VSIG1: variants seen among roughly 807,000 people sequenced by gnomAD.
VSIG1 encodes V-set and immunoglobulin domain containing 1.
In VSIG1, 11 loss-of-function variants were observed where a neutral mutation model predicts 20.1. The observed-to-expected ratio is 0.55, with a 90% CI of 0.34 to 0.91. The LOEUF is 0.91. Ranked by LOEUF, VSIG1 falls within the 40% of genes least tolerant of loss-of-function variation. VSIG1 has a pLI of 0.02. For synonymous variants in VSIG1, 126 were observed against 116.7 expected, an observed-to-expected ratio of 1.08 and a Z score of -0.52; for missense variants, 283 against 298.8, an observed-to-expected ratio of 0.95 and a Z score of 0.39.
the VSIG1 span, among the ~76,000 whole-genome samples, chrX:108,022,024 GT>G: frequency 1.8e-5 from 2 of 110,811 alleles, no homozygotes; most frequent in South Asian, 7.6e-4. Context: ...GATTGCTTTG[GT>G]TTTTTTTAGG....
At chrX:108,033,969 G>A in the VSIG1 span, among the ~76,000 whole-genome samples, 1 of 110,390 alleles carries the variant, frequency 9.1e-6, no homozygotes, top group African/African-American at 3.3e-5. Context: ...CACTAAACAA[G>A]CAGAAAAAGG....
At chrX:108,037,307 A>G in the VSIG1 span, among the ~76,000 whole-genome samples, 7 of 112,025 alleles carry the variant, frequency 6.2e-5, no homozygotes, top group African/African-American at 2.3e-4. Context: ...GCTTACTTTG[A>G]TGATCAAAAA....
In VSIG1 at chrX:108,076,087, T is replaced by G; in HGVS notation, c.699T>G (p.Val233=). Residue 233 remains valine (V), a synonymous_variant, in exon 6 of 7, where the codon GTT becomes GTG. Coordinates refer to ENST00000217957, the MANE Select transcript of VSIG1 (RefSeq NM_182607.5). ...EIDLTSSHPE[V]GIIVGALIGS... The stretch of plus-strand genomic sequence containing the variant: ...GCTTGTATCCTTCAGATCCAGAAGT[T>G]GGAATCATTGTTGGGGCCTTGATTG... 1 of 1,211,345 alleles carries G rather than the reference T, an allele frequency of 8.3e-7. No individual in the cohort carries two copies. Among genetic ancestry groups the G allele is most frequent in the Non-Finnish European group, 1.1e-6 (1 of 895,267 alleles).
At chrX:108,064,773 C>T in intron 2 of VSIG1, 2 of 751,857 alleles carry the variant, frequency 2.7e-6, no homozygotes, top group Non-Finnish European at 3.1e-6. Context: ...TGATGGACAG[C>T]AGGCTGAACT....
upstream of VSIG1, among the ~76,000 whole-genome samples, chrX:108,040,864 G>A (rs989443084): frequency 6.4e-5 from 7 of 108,635 alleles, no homozygotes; most frequent in Non-Finnish European, 1.2e-4. Context: ...AAAAAACCTC[G>A]TGTGTGTGTG....
rs1272248213 is a variant in VSIG1 at position 108,077,488 on chromosome X, T to C, written c.*107T>C. ...CTCCTCCTTCCATTTTGACCAACCT[T>C]CTTCTAACAAGGTGCTCATTCCTAC... On this transcript the variant is annotated 3_prime_UTR_variant, in exon 7 of 7. Coordinates refer to ENST00000217957, the MANE Select transcript of VSIG1 (RefSeq NM_182607.5). 1.1e-6 allele frequency: 1 copy of C among 944,740 alleles called. No individual in the cohort carries two copies. Among genetic ancestry groups the C allele is most frequent in the African/African-American group, 2.0e-5 (1 of 50,799 alleles). The allele number at this position is 944,740 out of a possible 1,213,427, so 77.9% of individuals were successfully genotyped here. A position where few individuals can be genotyped will look rare whatever the true frequency, so the allele number is the denominator to read the frequency against.
chrX:108,024,675 A>G, the VSIG1 span, among the ~76,000 whole-genome samples: 2 of 109,853 alleles, frequency 1.8e-5, no homozygotes, highest in Non-Finnish European at 3.8e-5. Flanking sequence ...ATTTCAAAGT[A>G]TTTTCTAGTT....
At chrX:108,072,644 A>G (rs777799836) in intron 3 of VSIG1, 33 bp from the exon 4 acceptor site, 1 of 1,186,410 alleles carries the variant, frequency 8.4e-7, no homozygotes, top group Non-Finnish European at 1.1e-6. Flanking sequence ...CATTCATCCT[A>G]AAGAATTTTT....
intron 2 of VSIG1, among the ~76,000 whole-genome samples, chrX:108,063,929 T>C (rs2031079022): frequency 8.9e-6 from 1 of 111,845 alleles, no homozygotes; most frequent in African/African-American, 3.3e-5. Flanking sequence ...CATCCGGGGC[T>C]TTTTCTGGAT....
chrX:108,023,537 TTTG>T, the VSIG1 span, among the ~76,000 whole-genome samples: 15 of 112,268 alleles, frequency 1.3e-4, no homozygotes, highest in African/African-American at 4.9e-4. Context: ...TATTTAATTA[TTTG>T]TTAAACCATC....
At position 108,078,688 on chromosome X, in the gene VSIG1, C is replaced by T. The variant is rs2031397457; in HGVS notation, c.*1307C>T. 2 of 112,412 alleles carry T rather than the reference C, an allele frequency of 1.8e-5. No homozygotes were observed. Among genetic ancestry groups the T allele is most frequent in the South Asian group, 7.3e-4 (2 of 2,739 alleles). The allele number at this position is 112,412 out of a possible 1,213,427, so 9.3% of individuals were successfully genotyped here. ...AGGCAAACACTTTCAAATATAATTT[C>T]CTTCAGTGAATACAAAATGTTGATA... On this transcript the variant is annotated 3_prime_UTR_variant, in exon 7 of 7. Coordinates refer to ENST00000217957, the MANE Select transcript of VSIG1 (RefSeq NM_182607.5).
chrX:108,035,658 T>C, the VSIG1 span, among the ~76,000 whole-genome samples: 1 of 111,450 alleles, frequency 9.0e-6, no homozygotes, highest in Non-Finnish European at 1.9e-5. Context: ...ACAGTCTCTT[T>C]CCTGTACTTG....
the VSIG1 span, among the ~76,000 whole-genome samples, chrX:108,023,356 T>A: frequency 8.9e-6 from 1 of 111,997 alleles, no homozygotes; most frequent in Non-Finnish European, 1.9e-5. Flanking sequence ...GTGAGTTTGT[T>A]AGTGTTTTGT....
chrX:108,055,621 T>TTTCA (rs1245420975), intron 1 of VSIG1, among the ~76,000 whole-genome samples: 40 of 111,640 alleles, frequency 3.6e-4, no homozygotes, highest in African/African-American at 1.1e-3. Context: ...CATGACCAAA[T>TTTCA]GGGATTTATT....
chrX:108,073,359 C>T lies in VSIG1; in HGVS notation c.678C>T (p.Leu226=). The change falls in exon 5 of 7, where the codon CTC becomes CTT. Residue 226 remains leucine, a synonymous_variant. Coordinates refer to ENST00000217957, the MANE Select transcript of VSIG1 (RefSeq NM_182607.5). ...GCAATAGTTCCTGCGAAATCGATCT[C>T]ACTTCTTCACGTGAGTTGACCATAC... ...RLGNSSCEID[L]TSSHPEVGII... The T allele has an allele frequency of 3.3e-6, 4 of 1,210,736 alleles. No homozygotes were observed. The highest frequency in any genetic ancestry group is 4.5e-6 in the Non-Finnish European group (4 of 894,996).
chrX:108,076,145 G>A lies in VSIG1; in HGVS notation c.757G>A (p.Val253Ile). ...GGTAGGTGCCGCCATCATCATCTCT[G>A]TTGTGTGCTTCGCAAGGAATAAGGC... is the stretch of plus-strand genomic sequence containing the variant. ...SLVGAAIIIS[V>I]VCFARNKAKA... Residue 253 changes from valine (V) to isoleucine (I), a missense_variant, in exon 6 of 7, where the codon GTT becomes ATT. By Grantham distance (29) the Val-to-Ile change is conservative. Transcript: ENST00000217957. The A allele has an allele frequency of 8.3e-7, 1 of 1,211,502 alleles. No individual in the cohort carries two copies. Among genetic ancestry groups the A allele is most frequent in the African/African-American group, 1.7e-5 (1 of 57,837 alleles).
At position 108,078,396 on chromosome X, in the gene VSIG1, C is replaced by T. The variant is rs2031391897; in HGVS notation, c.*1015C>T. 1.8e-5 allele frequency: 2 copies of T among 111,770 alleles called. No individual in the cohort carries two copies. Among genetic ancestry groups the T allele is most frequent in the African/African-American group, 6.5e-5 (2 of 30,706 alleles). 9.2% of individuals were successfully genotyped at this position (111,770 alleles called of 1,213,427 possible). A position where few individuals can be genotyped will look rare whatever the true frequency, so the allele number is the denominator to read the frequency against. Reference sequence around the variant, plus strand: ...CCTGAGGTCAGGAGTTCGAGACCAGCCTGGCCAACATGGCGAAACCCCTTC... The same window carrying T: ...CCTGAGGTCAGGAGTTCGAGACCAGTCTGGCCAACATGGCGAAACCCCTTC... On this transcript the variant is annotated 3_prime_UTR_variant, in exon 7 of 7. Transcript: ENST00000217957.
At chrX:108,056,696 C>A (rs918159790) in intron 1 of VSIG1, among the ~76,000 whole-genome samples, 6 of 112,589 alleles carry the variant, frequency 5.3e-5, no homozygotes, top group African/African-American at 1.9e-4. Flanking sequence ...TTACTTCATA[C>A]CTGCCAGAAT....
chrX:108,045,494 G>A (rs2030552938), intron 1 of VSIG1, among the ~76,000 whole-genome samples: 1 of 112,705 alleles, frequency 8.9e-6, no homozygotes, highest in South Asian at 3.6e-4. Flanking sequence ...CTTTGTGCTA[G>A]GGATAATTTT....
Sources: allele counts gnomAD v4.1 joint callset (sites outside exome capture counted in the v4.1 genomes callset), GRCh38; gene constraint gnomAD v4.1.1; transcripts MANE v1.5; gene names NCBI Gene and HGNC (gene_info 2026-07-23, HGNC 2026-07-21).